The following PCDHGA6 variants were observed in gnomAD, a reference collection of about 807,000 sequenced individuals.
PCDHGA6 encodes the protein protocadherin gamma subfamily A, 6, also known as protocadherin gamma-A6.
PCDHGA6 carries 41 observed loss-of-function variants against 60.6 expected under a neutral mutation model. The observed-to-expected ratio is 0.68, with a 90% CI of 0.53 to 0.88. PCDHGA6 has a LOEUF of 0.88. Among genes scored for constraint, PCDHGA6 ranks in the 40% least tolerant of loss-of-function variants. The pLI is 0.00. For synonymous variants in PCDHGA6, 594 were observed against 524.4 expected, an observed-to-expected ratio of 1.13 and a Z score of -1.81; for missense variants, 1,312 against 1,203.0, an observed-to-expected ratio of 1.09 and a Z score of -1.34.
intron 1 of PCDHGA6, chr5:141,419,693 A>G (rs1241615790): frequency 6.2e-7 from 1 of 1,612,884 alleles, no homozygotes; most frequent in Non-Finnish European, 8.5e-7. Flanking sequence ...GGTGCAGGCC[A>G]GTGAGCCCGG....
rs912938777 is a variant in PCDHGA6, at chr5:141,375,809, G to A, written c.1726G>A (p.Glu576Lys). The change falls in exon 1 of 4, where the codon GAG (glutamate) becomes AAG (lysine). Residue 576 changes from glutamate to lysine, a missense_variant. Transcript: ENST00000517434. ...ALPTDGSTGV[E>K]LAPRSAEPGY... ...CCCCACAGACGGTTCCACTGGCGTGGAGCTGGCGCCCCGCTCCGCAGAGCC... is the reference window on the plus strand; with the variant it reads ...CCCCACAGACGGTTCCACTGGCGTGAAGCTGGCGCCCCGCTCCGCAGAGCC... The A allele has an allele frequency of 5.7e-5, 92 of 1,614,084 alleles. No individual in the cohort carries two copies. The highest frequency in any genetic ancestry group is 7.3e-5 in the Non-Finnish European group (86 of 1,180,044).
intron 1 of PCDHGA6, chr5:141,414,230 CCAT>C: frequency 6.2e-7 from 1 of 1,613,308 alleles, no homozygotes; most frequent in Non-Finnish European, 8.5e-7. Context: ...CCAGAGCTGA[CCAT>C]CACGTCTCTA....
At chr5:141,382,861 TC>T in intron 1 of PCDHGA6, 1 of 1,514,402 alleles carries the variant, frequency 6.6e-7, no homozygotes, top group South Asian at 1.3e-5. Flanking sequence ...CTGAAGCACT[TC>T]CCGAGATCGG....
intron 1 of PCDHGA6, chr5:141,388,316 G>A: frequency 6.2e-7 from 1 of 1,613,866 alleles, no homozygotes; most frequent in South Asian, 1.1e-5. Flanking sequence ...AAATAAGTGA[G>A]TCTGCACAGC....
At chr5:141,401,255 T>C (rs56773894) in intron 1 of PCDHGA6, among the ~76,000 whole-genome samples, 18,026 of 152,078 alleles carry the variant, frequency 0.12, 1,226 homozygotes, top group African/African-American at 0.18. Flanking sequence ...GACAGGAGAA[T>C]TGCTTGAACC....
rs1561856520 is a variant in PCDHGA6 at position 141,431,983 on chromosome 5, A to C, written c.2424+55476A>C. 3.1e-6 allele frequency: 5 copies of C among 1,614,242 alleles called. No homozygotes were observed. Among genetic ancestry groups the C allele is most frequent in the Non-Finnish European group, 4.2e-6 (5 of 1,180,036 alleles). ...ATTACTATAGTTTAGTCACAGACAT[A>C]GTCTTGGATAGGGAACAGGTTCCTA... On this transcript the variant is annotated intron_variant, in intron 1 of 3. Coordinates refer to ENST00000517434, the MANE Select transcript of PCDHGA6 (RefSeq NM_018919.3). The surrounding 1 kb of genome is among the most constrained non-coding windows in gnomAD (Gnocchi z 4.8).
chr5:141,433,837 C>CAAAAAAAAA (rs56191208), intron 1 of PCDHGA6, among the ~76,000 whole-genome samples: 1 of 111,704 alleles, frequency 9.0e-6, no homozygotes, highest in Non-Finnish European at 1.9e-5. Flanking sequence ...AACTCTATCT[C>CAAAAAAAAA]AAAAAAAAAA....
intron 1 of PCDHGA6, among the ~76,000 whole-genome samples, chr5:141,461,906 C>A (rs2154567542): frequency 6.6e-6 from 1 of 152,270 alleles, no homozygotes; most frequent in South Asian, 2.1e-4. Context: ...TCACTGCAAC[C>A]TCTGCCTCCT....
At chr5:141,423,642 T>C (rs1293550754) in intron 1 of PCDHGA6, 2 of 1,596,770 alleles carry the variant, frequency 1.3e-6, no homozygotes, top group African/African-American at 2.7e-5. Flanking sequence ...TAGGCAAATG[T>C]GACCCGACAA....
intron 1 of PCDHGA6, among the ~76,000 whole-genome samples, chr5:141,479,036 G>C (rs1202411463): frequency 1.3e-5 from 2 of 152,012 alleles, no homozygotes; most frequent in Non-Finnish European, 2.9e-5. Flanking sequence ...TATACAGATC[G>C]TGTACCTCAT....
At chr5:141,433,124 G>T in intron 1 of PCDHGA6, 5 of 1,614,136 alleles carry the variant, frequency 3.1e-6, no homozygotes, top group Non-Finnish European at 4.2e-6. Context: ...TGAAAAAAGC[G>T]AGCCCCTTTT....
chr5:141,437,385 C>T (rs543945898), intron 1 of PCDHGA6, among the ~76,000 whole-genome samples: 12 of 152,202 alleles, frequency 7.9e-5, no homozygotes, highest in Non-Finnish European at 1.6e-4. Flanking sequence ...AGAAGACATT[C>T]ATCCACTGCT....
intron 1 of PCDHGA6, among the ~76,000 whole-genome samples, chr5:141,438,921 C>T (rs1204218608): frequency 6.6e-6 from 1 of 151,970 alleles, no homozygotes; most frequent in Non-Finnish European, 1.5e-5. Context: ...CTGCCTTGGC[C>T]TCCCAAAGTG....
intron 1 of PCDHGA6, chr5:141,389,882 G>A: frequency 6.2e-7 from 1 of 1,614,082 alleles, no homozygotes; most frequent in Non-Finnish European, 8.5e-7. Flanking sequence ...CCGACAGCTT[G>A]CAGGAGGTGC....
Position 141,393,710 on chromosome 5 carries a change from G to T in PCDHGA6, c.2424+17203G>T, listed in dbSNP as rs143738602. On this transcript the variant is annotated intron_variant, in intron 1 of 3. Transcript: ENST00000517434. Reference sequence around the variant, plus strand: ...TATTCCAGCTTAATGAAAATACTGGGGAAATATCAATAGCAAAAAGTCTAG... The same window carrying T: ...TATTCCAGCTTAATGAAAATACTGGTGAAATATCAATAGCAAAAAGTCTAG... 837 of 1,613,794 alleles carry T rather than the reference G, an allele frequency of 5.2e-4. 2 individuals carry two copies. In the African/African-American group the frequency reaches 1.0e-2, roughly 19 times the overall value.
chr5:141,374,785 T>A lies in PCDHGA6; in HGVS notation c.702T>A (p.Asp234Glu). 1 of 1,613,874 alleles carries A rather than the reference T, an allele frequency of 6.2e-7. No individual in the cohort carries two copies. The highest frequency in any genetic ancestry group is 8.5e-7 in the Non-Finnish European group (1 of 1,179,836). Residue 234 changes from aspartate to glutamate, a missense_variant, in exon 1 of 4, where the codon GAT becomes GAA. Transcript: ENST00000517434. ...SVAQILVTVLDVNDNTPMFTQ... is the reference protein window; with the variant it reads ...SVAQILVTVLEVNDNTPMFTQ... ...CCCAAATTCTGGTAACAGTTCTAGATGTGAATGACAACACTCCAATGTTTA... is the reference window on the plus strand; with the variant it reads ...CCCAAATTCTGGTAACAGTTCTAGAAGTGAATGACAACACTCCAATGTTTA...
intron 1 of PCDHGA6, chr5:141,484,966 G>C: frequency 1.7e-6 from 1 of 583,968 alleles, no homozygotes. Context: ...GAGCCCGGGA[G>C]CCGCTGTCTG....
intron 1 of PCDHGA6, among the ~76,000 whole-genome samples, chr5:141,386,837 A>G (rs551845645): frequency 1.3e-5 from 2 of 152,378 alleles, no homozygotes; most frequent in Middle Eastern, 6.8e-3. Context: ...ATGGAGAGAC[A>G]TAATCACTAA....
chr5:141,385,638 T>A, intron 1 of PCDHGA6: 1 of 831,764 alleles, frequency 1.2e-6, no homozygotes, highest in Non-Finnish European at 1.5e-6. Context: ...ATCGAGTCTT[T>A]CATATTGCAC....
Sources: gnomAD v4.1 joint callset for allele counts (sites outside exome capture counted in the v4.1 genomes callset) on GRCh38, gnomAD v4.1.1 for gene constraint, Gnocchi (gnomAD v3.1) non-coding constraint, MANE v1.5 for transcripts, NCBI Gene and HGNC (gene_info 2026-07-23, HGNC 2026-07-21) for gene names.